ARHGAP24: variants seen among roughly 807,000 people sequenced by gnomAD.
ARHGAP24 encodes the protein Rho GTPase activating protein 24.
Under a neutral mutation model 76.4 loss-of-function variants are expected in ARHGAP24, and 50 were observed. The ratio of observed to expected loss-of-function variants is 0.65; its 90% CI spans 0.52 to 0.83. The LOEUF is 0.83. Among genes scored for constraint, ARHGAP24 ranks in the 40% least tolerant of loss-of-function variants. ARHGAP24 has a pLI of 0.00. For synonymous variants in ARHGAP24, 345 were observed against 323.3 expected (o/e 1.07, Z -0.72); for missense variants, 930 against 914.2 (o/e 1.02, Z -0.22).
At chr4:85,577,861 C>T (rs1336272879) in intron 2 of ARHGAP24, among the ~76,000 whole-genome samples, 1 of 152,038 alleles carries the variant, frequency 6.6e-6, no homozygotes, top group African/African-American at 2.4e-5. Context: ...AGGTGTAGGC[C>T]ATAGCCCTTT....
chr4:85,680,122 T>C (rs1350540826), intron 2 of ARHGAP24, among the ~76,000 whole-genome samples: 1 of 152,186 alleles, frequency 6.6e-6, no homozygotes, highest in Non-Finnish European at 1.5e-5. Context: ...GCAGTTGATA[T>C]CATCCAATCA....
intron 3 of ARHGAP24, among the ~76,000 whole-genome samples, chr4:85,750,029 T>A (rs1210627163): frequency 1.3e-5 from 2 of 152,010 alleles, no homozygotes; most frequent in Non-Finnish European, 2.9e-5. Flanking sequence ...CAGACATCCA[T>A]CCACCTGCCC....
chr4:85,703,630 T>G (rs1451801987), intron 2 of ARHGAP24, among the ~76,000 whole-genome samples: 4 of 152,118 alleles, frequency 2.6e-5, no homozygotes, highest in African/African-American at 4.8e-5. Context: ...CACTGACATC[T>G]AGAAAGCTGA....
intron 1 of ARHGAP24, among the ~76,000 whole-genome samples, chr4:85,484,959 T>C (rs763070333): frequency 6.6e-6 from 1 of 152,162 alleles, no homozygotes; most frequent in Non-Finnish European, 1.5e-5. Flanking sequence ...GTATTTGCTT[T>C]AAGACTTAAA....
intron 2 of ARHGAP24, among the ~76,000 whole-genome samples, chr4:85,633,633 G>A (rs1296315553): frequency 6.6e-6 from 1 of 151,606 alleles, no homozygotes; most frequent in Admixed American, 6.6e-5. Context: ...ACACCCAGAA[G>A]GTGAGTGAGA....
chr4:85,731,706 C>T (rs1471121135), intron 3 of ARHGAP24, among the ~76,000 whole-genome samples: 2 of 152,046 alleles, frequency 1.3e-5, no homozygotes, highest in Admixed American at 6.6e-5. Context: ...CTATAGTTTG[C>T]GTTAATATAT....
At chr4:85,859,209 G>GCACACA (rs747443830) in intron 3 of ARHGAP24, among the ~76,000 whole-genome samples, 46 of 59,650 alleles carry the variant, frequency 7.7e-4, no homozygotes, top group Non-Finnish European at 1.4e-3. Context: ...ATAGCCACAT[G>GCACACA]CATACACACA....
chr4:85,719,696 G>A (rs1191338492), intron 2 of ARHGAP24, among the ~76,000 whole-genome samples: 3 of 152,104 alleles, frequency 2.0e-5, no homozygotes, highest in Admixed American at 6.6e-5. Flanking sequence ...TTAACTATAT[G>A]CCAGGCAAAA....
rs116549436 is a variant in ARHGAP24 at position 85,632,127 on chromosome 4, G to A, written c.180+61406G>A. ...GCTCTTTCTAATTTGTCTTTATCTG[G>A]TGTGTTCATTTTTTTCTTCTACTCT... On this transcript the variant is annotated intron_variant, in intron 2 of 9. Transcript: ENST00000395184. Among the ~76,000 whole-genome samples, 1,104 of 151,634 alleles carry A rather than the reference G, an allele frequency of 7.3e-3. 15 individuals are homozygous for A. The highest frequency in any genetic ancestry group is 0.025 in the African/African-American group (1,038 of 41,368).
At chr4:85,790,972 A>G (rs1728093891) in intron 3 of ARHGAP24, among the ~76,000 whole-genome samples, 1 of 152,224 alleles carries the variant, frequency 6.6e-6, no homozygotes. Flanking sequence ...TTGTCTAAAA[A>G]TAAATATATC....
At chr4:85,651,455 G>T (rs1721940902) in intron 2 of ARHGAP24, among the ~76,000 whole-genome samples, 1 of 149,104 alleles carries the variant, frequency 6.7e-6, no homozygotes, top group Admixed American at 6.6e-5. Flanking sequence ...AGGGATTAGA[G>T]AAACTCCTAG....
intron 2 of ARHGAP24, among the ~76,000 whole-genome samples, chr4:85,630,080 C>A (rs1292641197): frequency 1.3e-5 from 2 of 151,724 alleles, no homozygotes; most frequent in Admixed American, 6.6e-5. Context: ...TTTAAATGAC[C>A]TGTCCTTGAG....
At chr4:85,847,987 G>T (rs1172171041) in intron 3 of ARHGAP24, among the ~76,000 whole-genome samples, 1 of 152,188 alleles carries the variant, frequency 6.6e-6, no homozygotes, top group South Asian at 2.1e-4. Flanking sequence ...TACTGTGCAG[G>T]ATTACACAGT....
At chr4:85,569,652 GA>G (rs1389371746) in intron 1 of ARHGAP24, among the ~76,000 whole-genome samples, 6 of 152,112 alleles carry the variant, frequency 3.9e-5, no homozygotes, top group Non-Finnish European at 8.8e-5. Context: ...TAGGAGAAAG[GA>G]AAAAACTATA....
chr4:85,799,423 G>A (rs902712879), intron 3 of ARHGAP24, among the ~76,000 whole-genome samples: 1 of 152,108 alleles, frequency 6.6e-6, no homozygotes, highest in Non-Finnish European at 1.5e-5. Flanking sequence ...AAGAAAGATA[G>A]TATCAGATTA....
rs947479487 is a variant in ARHGAP24, at chr4:85,957,441, T to C, written c.600-14595T>C. 2.0e-5 allele frequency among the ~76,000 whole-genome samples: 3 copies of C among 152,364 alleles called. No homozygotes were observed. In the East Asian group the frequency reaches 5.8e-4, roughly 29 times the overall value. Reference sequence around the variant, plus strand: ...TGCTGACCCTAAGGCCCTCTGTTGATTTGATGAAAATGGAGATTGGCATGT... The same window carrying C: ...TGCTGACCCTAAGGCCCTCTGTTGACTTGATGAAAATGGAGATTGGCATGT... On this transcript the variant is annotated intron_variant, in intron 5 of 9. Coordinates refer to ENST00000395184, the MANE Select transcript of ARHGAP24 (RefSeq NM_001025616.3).
intron 3 of ARHGAP24, among the ~76,000 whole-genome samples, chr4:85,789,819 C>T (rs1354185126): frequency 6.6e-6 from 1 of 152,148 alleles, no homozygotes; most frequent in African/African-American, 2.4e-5. Context: ...CTAGAATCTT[C>T]TTGAGAAGTC....
At chr4:85,564,865 C>T (rs1292192206) in intron 1 of ARHGAP24, among the ~76,000 whole-genome samples, 1 of 144,102 alleles carries the variant, frequency 6.9e-6, no homozygotes, top group Non-Finnish European at 1.5e-5. Flanking sequence ...TGGCCACAGA[C>T]TGGTACTGGT....
chr4:85,853,057 G>A (rs922192721), intron 3 of ARHGAP24, among the ~76,000 whole-genome samples: 5 of 152,234 alleles, frequency 3.3e-5, no homozygotes, highest in Admixed American at 1.3e-4. Flanking sequence ...GCTGCCTTTT[G>A]TTCAGCTATG....
Sources: allele counts gnomAD v4.1 joint callset (sites outside exome capture counted in the v4.1 genomes callset), GRCh38; gene constraint gnomAD v4.1.1; transcripts MANE v1.5; gene names NCBI Gene and HGNC (gene_info 2026-07-23, HGNC 2026-07-21).